KIAA0319L: variants seen among roughly 807,000 people sequenced by gnomAD.
The protein encoded by KIAA0319L is KIAA0319 like, also known as dyslexia-associated protein KIAA0319-like protein.
Under a neutral mutation model 120.1 loss-of-function variants are expected in KIAA0319L, and 55 were observed. That is an observed-to-expected ratio of 0.46 (90% CI 0.37 to 0.57). The LOEUF is 0.57. KIAA0319L is among the 20% of genes least tolerant of loss of function. The pLI is 0.00. For synonymous variants in KIAA0319L, 398 were observed against 471.9 expected (o/e 0.84, Z 2.03); for missense variants, 1,049 against 1,255.3 (o/e 0.84, Z 2.48).
rs568227582 is a variant in KIAA0319L, at chr1:35,506,839, C to T, written c.439G>A (p.Asp147Asn). The stretch of plus-strand genomic sequence containing the variant: ...CCTAGCCCCAGAAGATGTGGTACAT[C>T]ATCTTCAGGTAGAAAGCCCAAATCA... Reference protein sequence around the residue: ...ADDLGFLPEDDVPHLLGLGWN... With the variant: ...ADDLGFLPEDNVPHLLGLGWN... Residue 147 changes from aspartate to asparagine, a missense_variant, in exon 3 of 21, where the codon GAT becomes AAT. Transcript: ENST00000325722. This position sits in a 1 kb window ranked among gnomAD's most constrained non-coding sequence, Gnocchi z 4.0. 6.2e-7 allele frequency: 1 copy of T among 1,614,210 alleles called. No individual in the cohort carries two copies. Among genetic ancestry groups the T allele is most frequent in the African/African-American group, 1.3e-5 (1 of 75,042 alleles).
intron 2 of KIAA0319L, among the ~76,000 whole-genome samples, chr1:35,520,017 G>A (rs1645845630): frequency 6.6e-6 from 1 of 151,950 alleles, no homozygotes; most frequent in African/African-American, 2.4e-5. Flanking sequence ...ATCAGCAGTG[G>A]GCTTCCTGGT....
chr1:35,550,958 C>T (rs1003513106), intron 2 of KIAA0319L, among the ~76,000 whole-genome samples: 1 of 152,220 alleles, frequency 6.6e-6, no homozygotes, highest in Non-Finnish European at 1.5e-5. Context: ...AAGCAGGTTT[C>T]AGCAATATTT....
At chr1:35,543,004 T>C (rs1454699262) in intron 2 of KIAA0319L, among the ~76,000 whole-genome samples, 1 of 152,212 alleles carries the variant, frequency 6.6e-6, no homozygotes, top group Non-Finnish European at 1.5e-5. Context: ...TGCACAGGTC[T>C]TCTAAAGGGC....
chr1:35,492,637 A>G (rs1325582361), intron 3 of KIAA0319L, among the ~76,000 whole-genome samples: 1 of 152,166 alleles, frequency 6.6e-6, no homozygotes, highest in Non-Finnish European at 1.5e-5. Flanking sequence ...TTAACATACT[A>G]AAAACAAAAA....
Position 35,434,772 on chromosome 1 carries a change from T to A in KIAA0319L, c.*122A>T. 1 of 779,194 alleles carries A rather than the reference T, an allele frequency of 1.3e-6. No homozygotes were observed. The highest frequency in any genetic ancestry group is 2.0e-6 in the Non-Finnish European group (1 of 492,190). 48.3% of individuals were successfully genotyped at this position (779,194 alleles called of 1,614,324 possible). Reference sequence around the variant, plus strand: ...TGGATTCAAGTCCCAGGGGTTCTGGTTGGGACTGTCAGGGCGAAATGACCA... The same window carrying A: ...TGGATTCAAGTCCCAGGGGTTCTGGATGGGACTGTCAGGGCGAAATGACCA... On this transcript the variant is annotated 3_prime_UTR_variant, in exon 21 of 21. Coordinates refer to ENST00000325722, the MANE Select transcript of KIAA0319L (RefSeq NM_024874.5).
In KIAA0319L at chr1:35,506,089, G is replaced by A. The variant is rs1403322570; in HGVS notation, c.666+523C>T. Reference sequence around the variant, plus strand: ...GTATCTCCCTTGGCATATACAGCTTGGTGAGAATTCACTCCAGAGACCTCT... The same window carrying A: ...GTATCTCCCTTGGCATATACAGCTTAGTGAGAATTCACTCCAGAGACCTCT... On this transcript the variant is annotated intron_variant, in intron 3 of 20. Coordinates refer to ENST00000325722, the MANE Select transcript of KIAA0319L (RefSeq NM_024874.5). The surrounding 1 kb of genome is among the most constrained non-coding windows in gnomAD (Gnocchi z 4.0). Among the ~76,000 whole-genome samples, 5 of 152,172 alleles carry A rather than the reference G, an allele frequency of 3.3e-5. No individual in the cohort carries two copies. The highest frequency in any genetic ancestry group is 1.2e-4 in the African/African-American group (5 of 41,438).
At position 35,462,607 on chromosome 1, in the gene KIAA0319L, A is replaced by C; in HGVS notation, c.1294+14T>G. 6.3e-7 allele frequency: 1 copy of C among 1,582,314 alleles called. No homozygotes were observed. On this transcript the variant is annotated intron_variant, in intron 8 of 20. Coordinates refer to ENST00000325722, the MANE Select transcript of KIAA0319L (RefSeq NM_024874.5). ...AATGTTCTTCTAAAACATCATACTT[A>C]GACAAGTACTCACGACTGCCATCAA...
intron 8 of KIAA0319L, among the ~76,000 whole-genome samples, chr1:35,461,794 T>C (rs1642912188): frequency 6.6e-6 from 1 of 152,102 alleles, no homozygotes; most frequent in Admixed American, 6.5e-5. Context: ...GGCTTCTTCC[T>C]GTTCCCTCTC....
chr1:35,442,810 T>C, intron 18 of KIAA0319L, 96 bp downstream of exon 18: 1 of 1,438,496 alleles, frequency 7.0e-7, no homozygotes, highest in Non-Finnish European at 9.7e-7. Flanking sequence ...TCTCCTTGCC[T>C]GCTCATCTGC....
chr1:35,503,155 T>G (rs1645071333), intron 3 of KIAA0319L, among the ~76,000 whole-genome samples: 1 of 152,204 alleles, frequency 6.6e-6, no homozygotes, highest in Non-Finnish European at 1.5e-5. Flanking sequence ...CCTCTACCTC[T>G]GTTTCTACTA....
intron 9 of KIAA0319L, among the ~76,000 whole-genome samples, chr1:35,457,940 T>G (rs1313421564): frequency 6.6e-6 from 1 of 152,104 alleles, no homozygotes; most frequent in Non-Finnish European, 1.5e-5. Context: ...GTTTTTTTGT[T>G]TTGTTTTTTT....
chr1:35,452,316 G>A (rs1156873751), intron 12 of KIAA0319L, among the ~76,000 whole-genome samples: 1 of 152,158 alleles, frequency 6.6e-6, no homozygotes, highest in African/African-American at 2.4e-5. Context: ...CCTGGACAGG[G>A]GCCATCAAGC....
intron 6 of KIAA0319L, among the ~76,000 whole-genome samples, chr1:35,470,315 A>G (rs1391395302): frequency 1.3e-5 from 2 of 151,964 alleles, no homozygotes; most frequent in African/African-American, 2.4e-5. Flanking sequence ...CAATATGATG[A>G]GACTCTATCT....
At chr1:35,557,493 G>A, upstream of KIAA0319L, 1 of 357,548 alleles carries the variant, frequency 2.8e-6, no homozygotes, top group East Asian at 7.9e-5. Flanking sequence ...GAAGGGCAAT[G>A]CCGGCCGCGA....
At position 35,497,092 on chromosome 1, in the gene KIAA0319L, A is replaced by G. The variant is rs117472453; in HGVS notation, c.666+9520T>C. On this transcript the variant is annotated intron_variant, in intron 3 of 20. Transcript: ENST00000325722. ...TATTAATGCAAAGTCTAGAAAATGC[A>G]AATTTATAGAGACAGCAGATCAATG... 4.6e-5 allele frequency among the ~76,000 whole-genome samples: 7 copies of G among 152,294 alleles called. No individual in the cohort carries two copies. In the East Asian group the frequency reaches 1.3e-3, roughly 29 times the overall value.
intron 5 of KIAA0319L, among the ~76,000 whole-genome samples, chr1:35,472,186 A>C (rs1643665498): frequency 1.3e-5 from 2 of 152,260 alleles, no homozygotes. Flanking sequence ...CAGGGGATGA[A>C]TTATGCCTCG....
At chr1:35,513,286 A>T (rs796400268) in intron 2 of KIAA0319L, among the ~76,000 whole-genome samples, 2,050 of 102,536 alleles carry the variant, frequency 0.02, 66 homozygotes, top group African/African-American at 0.075. Flanking sequence ...ATATATATAT[A>T]TATTTTTTTT....
At chr1:35,466,756 A>C in intron 6 of KIAA0319L, 61 bp from the exon 7 acceptor site, 1 of 1,175,702 alleles carries the variant, frequency 8.5e-7, no homozygotes, top group Non-Finnish European at 1.3e-6. Flanking sequence ...CATTTAAAAT[A>C]AGATATATCT....
intron 3 of KIAA0319L, among the ~76,000 whole-genome samples, chr1:35,485,885 T>C (rs1644367494): frequency 6.6e-6 from 1 of 152,162 alleles, no homozygotes; most frequent in Non-Finnish European, 1.5e-5. Context: ...CAAGCAGTCC[T>C]CCTACCTCAG....
Sources: allele counts gnomAD v4.1 joint callset (sites outside exome capture counted in the v4.1 genomes callset), GRCh38; gene constraint gnomAD v4.1.1; non-coding constraint Gnocchi (gnomAD v3.1); transcripts MANE v1.5; gene names NCBI Gene and HGNC (gene_info 2026-07-23, HGNC 2026-07-21).